The following CDH22 variants were observed in gnomAD, a reference collection of about 807,000 sequenced individuals.
CDH22 encodes cadherin 22.
Under a neutral mutation model 58.4 loss-of-function variants are expected in CDH22, and 30 were observed. That is an observed-to-expected ratio of 0.51 (90% CI 0.38 to 0.70). The LOEUF is 0.70. CDH22 is among the 30% of genes least tolerant of loss of function. CDH22 has a pLI of 0.00. For missense variants in CDH22, 1,014 were observed against 1,233.9 expected, an observed-to-expected ratio of 0.82 and a Z score of 2.67; for synonymous variants, 513 against 558.2, an observed-to-expected ratio of 0.92 and a Z score of 1.14.
At chr20:46,223,713 CTTTTTCTTTCTTTCTCTT>C (rs2086148170) in intron 4 of CDH22, among the ~76,000 whole-genome samples, 1 of 54,522 alleles carries the variant, frequency 1.8e-5, no homozygotes, top group Non-Finnish European at 3.3e-5. Flanking sequence ...TTCTTTCTTT[CTTTTTCTTTCTTTCTCTT>C]TCTTTCTTTC....
intron 3 of CDH22, among the ~76,000 whole-genome samples, chr20:46,232,403 T>C (rs1466047288): frequency 6.6e-6 from 1 of 152,154 alleles, no homozygotes; most frequent in Admixed American, 6.5e-5. Context: ...AAAATGGAGA[T>C]AACACTTTAT....
At chr20:46,299,963 C>A (rs889009032) in intron 1 of CDH22, among the ~76,000 whole-genome samples, 4 of 152,084 alleles carry the variant, frequency 2.6e-5, no homozygotes, top group Admixed American at 6.5e-5. Flanking sequence ...CCCACTCTGC[C>A]AACTTAACTC....
intron 4 of CDH22, among the ~76,000 whole-genome samples, chr20:46,226,231 C>CCTTCTTCTTCTTCTT (rs74176857): frequency 4.2e-3 from 361 of 86,572 alleles, no homozygotes; most frequent in East Asian, 8.7e-3. Context: ...TCTGGCAACA[C>CCTTCTTCTTCTTCTT]CTTCTTCTTC....
At chr20:46,188,330 A>T (rs1392537042) in intron 8 of CDH22, among the ~76,000 whole-genome samples, 1 of 152,138 alleles carries the variant, frequency 6.6e-6, no homozygotes, top group Non-Finnish European at 1.5e-5. Flanking sequence ...ATGTCTGTAT[A>T]ATCCAAGCCA....
intron 1 of CDH22, among the ~76,000 whole-genome samples, chr20:46,303,586 TA>T (rs2145787911): frequency 6.6e-6 from 1 of 152,266 alleles, no homozygotes; most frequent in African/African-American, 2.4e-5. Context: ...TTAAACTGGA[TA>T]ATGAATGTAT....
At chr20:46,264,547 A>AG (rs1351558970) in intron 1 of CDH22, among the ~76,000 whole-genome samples, 6 of 152,186 alleles carry the variant, frequency 3.9e-5, no homozygotes, top group Non-Finnish European at 8.8e-5. Flanking sequence ...TTACAGAATC[A>AG]GGAACAGTGG....
chr20:46,266,085 G>C (rs2086458267), intron 1 of CDH22, among the ~76,000 whole-genome samples: 1 of 152,312 alleles, frequency 6.6e-6, no homozygotes, highest in Admixed American at 6.5e-5. Context: ...CAGCCAGAGG[G>C]AGGCTCTCTG....
Position 46,210,203 on chromosome 20 carries a change from C to T in CDH22, c.1286+104G>A, listed in dbSNP as rs2086030527. On this transcript the variant is annotated intron_variant, in intron 7 of 11. Transcript: ENST00000537909. This position sits in a 1 kb window ranked among gnomAD's most constrained non-coding sequence, Gnocchi z 4.5. ...CCCTCCCCCACGCAGCCCCTTCCTT[C>T]GGCCCTGCCCGCCCCAGCCCTCCTC... The T allele has an allele frequency of 3.3e-6, 4 of 1,201,462 alleles. No individual in the cohort carries two copies. The highest frequency in any genetic ancestry group is 4.3e-6 in the Non-Finnish European group (4 of 930,420). 74.4% of individuals were successfully genotyped at this position (1,201,462 alleles called of 1,614,324 possible). A position where few individuals can be genotyped will look rare whatever the true frequency, so the allele number is the denominator to read the frequency against.
intron 1 of CDH22, among the ~76,000 whole-genome samples, chr20:46,257,917 A>C (rs77360733): frequency 0.03 from 4,633 of 152,162 alleles, 245 homozygotes; most frequent in African/African-American, 0.11. Flanking sequence ...GAAAAGGGAG[A>C]TATCCTGGGA....
At chr20:46,307,142 C>G (rs2086681469) in intron 1 of CDH22, among the ~76,000 whole-genome samples, 1 of 152,174 alleles carries the variant, frequency 6.6e-6, no homozygotes, top group South Asian at 2.1e-4. Flanking sequence ...TGGCGACGCC[C>G]GAAGGGTTTG....
At chr20:46,238,551 G>A (rs1279675697) in intron 3 of CDH22, among the ~76,000 whole-genome samples, 1 of 152,084 alleles carries the variant, frequency 6.6e-6, no homozygotes, top group Admixed American at 6.5e-5. Context: ...CAAACTTCAC[G>A]CCAAACTCCT....
rs1600680480 is a variant in CDH22, at chr20:46,173,952, T to C, written c.*554A>G. On this transcript the variant is annotated 3_prime_UTR_variant, in exon 12 of 12. Transcript: ENST00000537909. ...CAGTGCCAGAGGCTCTGCCATTCAC[T>C]GGCCAGGTGCCCTTGGACGGGTCAC... 1 of 152,698 alleles carries C rather than the reference T, an allele frequency of 6.5e-6. No homozygotes were observed. The highest frequency in any genetic ancestry group is 1.5e-5 in the Non-Finnish European group (1 of 68,396). 9.5% of individuals were successfully genotyped at this position (152,698 alleles called of 1,614,324 possible). A position where few individuals can be genotyped will look rare whatever the true frequency, so the allele number is the denominator to read the frequency against.
chr20:46,279,599 T>C (rs1428045144), intron 1 of CDH22, among the ~76,000 whole-genome samples: 1 of 152,232 alleles, frequency 6.6e-6, no homozygotes, highest in East Asian at 1.9e-4. Context: ...TTTCTGTGGG[T>C]ACATATAATG....
In CDH22 at chr20:46,174,601, C is replaced by G. The variant is rs763233491; in HGVS notation, c.2392G>C (p.Asp798His). The change falls in exon 12 of 12, where the codon GAC (aspartate) becomes CAC (histidine). Residue 798 changes from aspartate (D) to histidine (H), a missense_variant. Around this residue, in one of 2 missense-constraint regions of CDH22, gnomAD observed 208 missense variants for 195.2 expected, o/e 1.07. Transcript: ENST00000537909. The surrounding 1 kb of genome is among the most constrained non-coding windows in gnomAD (Gnocchi z 4.4). ...CCCCAGCTGCTGAGATAGGCGAAGT[C>G]CTGCTCGGAGCCCGACGAGCCGCTG... ...LHSGSSGSEQ[D>H]FAYLSSWGPR... is the part of the protein sequence containing the mutation. 2.6e-6 allele frequency: 4 copies of G among 1,536,296 alleles called. No homozygotes were observed. In the South Asian group the frequency reaches 3.6e-5, roughly 14 times the overall value.
chr20:46,177,905 G>A, intron 11 of CDH22, 41 bp downstream of exon 11: 1 of 1,603,732 alleles, frequency 6.2e-7, no homozygotes, highest in Non-Finnish European at 8.5e-7. Flanking sequence ...CGCCAGGATG[G>A]GGCCAATCAG....
At chr20:46,271,201 G>A (rs1378341159) in intron 1 of CDH22, among the ~76,000 whole-genome samples, 2 of 152,148 alleles carry the variant, frequency 1.3e-5, no homozygotes, top group African/African-American at 4.8e-5. Flanking sequence ...GCCCTCCAAG[G>A]TAGGCACTGT....
intron 1 of CDH22, among the ~76,000 whole-genome samples, chr20:46,293,791 C>T (rs532787724): frequency 7.5e-4 from 114 of 152,134 alleles, no homozygotes; most frequent in African/African-American, 2.6e-3. Flanking sequence ...CCAAGGCGGG[C>T]GTATCACGAG....
intron 2 of CDH22, among the ~76,000 whole-genome samples, chr20:46,247,047 T>TC (rs34760083): frequency 0.62 from 90,871 of 147,638 alleles, 28,184 homozygotes; most frequent in South Asian, 0.66. Context: ...ATGACAACCT[T>TC]CCCCCCCACT....
At chr20:46,289,102 C>T (rs1476201784) in intron 1 of CDH22, among the ~76,000 whole-genome samples, 1 of 152,174 alleles carries the variant, frequency 6.6e-6, no homozygotes, top group Non-Finnish European at 1.5e-5. Context: ...CCCTCTGGCT[C>T]TTCTCTGAAT....
Sources: gnomAD v4.1 joint callset for allele counts (sites outside exome capture counted in the v4.1 genomes callset) on GRCh38, gnomAD v4.1.1 for gene constraint, gnomAD v4.1.1 regional missense constraint, Gnocchi (gnomAD v3.1) non-coding constraint, MANE v1.5 for transcripts, NCBI Gene and HGNC (gene_info 2026-07-23, HGNC 2026-07-21) for gene names.